CCSER1: variants seen among roughly 807,000 people sequenced by gnomAD.
The protein encoded by CCSER1 is coiled-coil serine rich protein 1.
CCSER1 carries 41 observed loss-of-function variants against 82.0 expected under a neutral mutation model. The observed-to-expected ratio is 0.50, with a 90% CI of 0.39 to 0.65. The LOEUF (loss-of-function observed/expected upper bound fraction) is 0.65, where lower values mean the gene tolerates loss of function less well. CCSER1 is among the 30% of genes least tolerant of loss of function. CCSER1 has a pLI of 0.00. For missense variants in CCSER1, 1,119 were observed against 1,064.2 expected (o/e 1.05, Z -0.72); for synonymous variants, 414 against 383.9 (o/e 1.08, Z -0.92).
chr4:91,595,799 C>T (rs1230517156), intron 10 of CCSER1, among the ~76,000 whole-genome samples: 3 of 151,688 alleles, frequency 2.0e-5, no homozygotes. Flanking sequence ...AGCACCTTGT[C>T]CTCAGTGTGG....
At chr4:91,532,244 C>T (rs1056998084) in intron 10 of CCSER1, among the ~76,000 whole-genome samples, 6 of 152,116 alleles carry the variant, frequency 3.9e-5, no homozygotes, top group Non-Finnish European at 5.9e-5. Flanking sequence ...AAGGCTTAAA[C>T]TATTGTTTTC....
intron 7 of CCSER1, among the ~76,000 whole-genome samples, chr4:90,795,840 A>G (rs1321974374): frequency 6.6e-6 from 1 of 152,220 alleles, no homozygotes; most frequent in Admixed American, 6.5e-5. Context: ...TCTCATGGAT[A>G]AAGCCTACTT....
At chr4:90,709,946 G>GT (rs200510091) in intron 6 of CCSER1, among the ~76,000 whole-genome samples, 51,592 of 134,862 alleles carry the variant, frequency 0.38, 10,005 homozygotes, top group Middle Eastern at 0.47. Context: ...GCCAGCATCT[G>GT]TTTTTTTTTT....
intron 9 of CCSER1, among the ~76,000 whole-genome samples, chr4:91,025,024 C>A (rs1194042947): frequency 6.6e-6 from 1 of 152,030 alleles, no homozygotes. Context: ...AGGAGTCTGT[C>A]CTGTTCAATG....
chr4:91,379,452 G>T (rs967236433), intron 10 of CCSER1, among the ~76,000 whole-genome samples: 1 of 152,102 alleles, frequency 6.6e-6, no homozygotes, highest in East Asian at 1.9e-4. Flanking sequence ...TCTATTCAGG[G>T]ATTCAACTTC....
At position 91,598,638 on chromosome 4, in the gene CCSER1, C is replaced by T. The variant is rs1207288241; in HGVS notation, c.2284C>T (p.Pro762Ser). 1 of 1,551,160 alleles carries T rather than the reference C, an allele frequency of 6.4e-7. No homozygotes were observed. Among genetic ancestry groups the T allele is most frequent in the Non-Finnish European group, 8.7e-7 (1 of 1,146,834 alleles). ...AAGGGACAGAAAAGCAATACATACT[C>T]CCACCGAGGACCGTTTTAGGTATTC... ...STRDRKAIHT[P>S]TEDRFRYSAA... The change falls in exon 11 of 11, where the codon CCC becomes TCC. Residue 762 changes from proline to serine, a missense_variant. By Grantham distance (74) the Pro-to-Ser change is moderately conservative (BLOSUM62 -1). Transcript: ENST00000509176.
intron 10 of CCSER1, among the ~76,000 whole-genome samples, chr4:91,465,538 C>T (rs903390211): frequency 3.3e-5 from 5 of 152,082 alleles, no homozygotes; most frequent in South Asian, 2.1e-4. Context: ...CACAAAAAAC[C>T]CTTCAAAAAA....
chr4:90,539,733 A>C (rs925233839), intron 5 of CCSER1, among the ~76,000 whole-genome samples: 13 of 152,128 alleles, frequency 8.5e-5, no homozygotes, highest in African/African-American at 3.1e-4. Context: ...GAACTGTAAA[A>C]TATTGTAGCA....
At chr4:91,050,373 G>GT (rs1473313542) in intron 9 of CCSER1, among the ~76,000 whole-genome samples, 1 of 151,426 alleles carries the variant, frequency 6.6e-6, no homozygotes, top group Non-Finnish European at 1.5e-5. Flanking sequence ...ACAGGTTGCA[G>GT]TGAGCAGAGA....
intron 10 of CCSER1, among the ~76,000 whole-genome samples, chr4:91,441,759 C>T (rs940760317): frequency 8.5e-5 from 13 of 152,254 alleles, no homozygotes; most frequent in African/African-American, 3.1e-4. Flanking sequence ...AGCTGATAAG[C>T]AACTTCAGCA....
intron 10 of CCSER1, among the ~76,000 whole-genome samples, chr4:91,480,141 A>G (rs935961974): frequency 5.9e-5 from 9 of 151,266 alleles, no homozygotes; most frequent in African/African-American, 1.9e-4. Flanking sequence ...CCAGTCTATC[A>G]TTGTTGGACA....
chr4:90,565,954 G>A (rs10006668), intron 5 of CCSER1, among the ~76,000 whole-genome samples: 42,629 of 150,432 alleles, frequency 0.28, 6,336 homozygotes, highest in East Asian at 0.51. Flanking sequence ...TCTGCCTCCC[G>A]GGTTCAAGTG....
chr4:90,484,838 G>T (rs534927851), intron 5 of CCSER1, among the ~76,000 whole-genome samples: 129 of 152,344 alleles, frequency 8.5e-4, no homozygotes, highest in African/African-American at 2.8e-3. Context: ...CCCTCTTGAG[G>T]AGACAGTCTG....
At chr4:90,944,933 T>C (rs1732050191) in intron 9 of CCSER1, among the ~76,000 whole-genome samples, 1 of 152,178 alleles carries the variant, frequency 6.6e-6, no homozygotes, top group Non-Finnish European at 1.5e-5. Flanking sequence ...AAATCATGTC[T>C]TGGATTTTTC....
intron 5 of CCSER1, among the ~76,000 whole-genome samples, chr4:90,548,749 TACAC>T (rs1553939942): frequency 6.8e-6 from 1 of 147,764 alleles, no homozygotes; most frequent in Non-Finnish European, 1.5e-5. Flanking sequence ...TATATATATA[TACAC>T]ACACACACAG....
chr4:91,144,868 G>T (rs1729395682), intron 10 of CCSER1, among the ~76,000 whole-genome samples: 1 of 151,970 alleles, frequency 6.6e-6, no homozygotes, highest in African/African-American at 2.4e-5. Flanking sequence ...GTTGAGACTT[G>T]CTTTATGGCC....
At chr4:91,577,263 G>T (rs150236219) in intron 10 of CCSER1, among the ~76,000 whole-genome samples, 1,850 of 151,922 alleles carry the variant, frequency 0.012, 25 homozygotes, top group African/African-American at 0.041. Context: ...TCTATGCTAA[G>T]CCACAAGTTA....
At chr4:90,406,185 G>A (rs1371811719) in intron 4 of CCSER1, among the ~76,000 whole-genome samples, 1 of 152,006 alleles carries the variant, frequency 6.6e-6, no homozygotes, top group Non-Finnish European at 1.5e-5. Flanking sequence ...CCATGCAAAT[G>A]GACAACAAAA....
chr4:90,151,771 A>G (rs1342175667), intron 1 of CCSER1, among the ~76,000 whole-genome samples: 2 of 152,110 alleles, frequency 1.3e-5, no homozygotes, highest in South Asian at 2.1e-4. Context: ...TTAGTATTAA[A>G]CAATTATTTT....
Sources: allele counts gnomAD v4.1 joint callset (sites outside exome capture counted in the v4.1 genomes callset), GRCh38; gene constraint gnomAD v4.1.1; transcripts MANE v1.5; gene names NCBI Gene and HGNC (gene_info 2026-07-23, HGNC 2026-07-21).